Variants in FMN1 observed in about 807,000 individuals in gnomAD.
FMN1 encodes the protein formin-1.
FMN1 carries 110 observed loss-of-function variants against 132.4 expected under a neutral mutation model. The ratio of observed to expected loss-of-function variants is 0.83; its 90% CI spans 0.71 to 0.97. The LOEUF (loss-of-function observed/expected upper bound fraction) is 0.97. Among genes scored for constraint, FMN1 ranks in the 50% least tolerant of loss-of-function variants. The probability of loss-of-function intolerance (pLI) is 0.00; values close to 1 mark genes in which losing one functional copy is unlikely to be tolerated. For missense variants in FMN1, 1,792 were observed against 1,705.3 expected, an observed-to-expected ratio of 1.05 and a Z score of -0.90; for synonymous variants, 722 against 651.7, an observed-to-expected ratio of 1.11 and a Z score of -1.64.
At chr15:32,876,217 TTC>T (rs1478556034) in intron 16 of FMN1, among the ~76,000 whole-genome samples, 2 of 152,248 alleles carry the variant, frequency 1.3e-5, no homozygotes, top group African/African-American at 2.4e-5. Context: ...ATTCCTGTTG[TTC>T]TTTTTATTGA....
At chr15:32,776,686 A>T (rs1228649062) in intron 20 of FMN1, 149 bp downstream of exon 20, 1 of 545,044 alleles carries the variant, frequency 1.8e-6, no homozygotes, top group Non-Finnish European at 3.2e-6. Context: ...ACCCACACAT[A>T]CTTTTTTTTT....
At chr15:32,957,299 T>TTTTG (rs2029898107) in intron 9 of FMN1, among the ~76,000 whole-genome samples, 1 of 23,654 alleles carries the variant, frequency 4.2e-5, no homozygotes, top group South Asian at 1.6e-3. Context: ...AGAGCAGTTC[T>TTTTG]TTTTTTTTTT....
At chr15:33,070,413 A>C (rs1211634717) in intron 5 of FMN1, among the ~76,000 whole-genome samples, 1 of 149,156 alleles carries the variant, frequency 6.7e-6, no homozygotes, top group East Asian at 2.0e-4. Flanking sequence ...TTATGAACTG[A>C]AAAGACTCAA....
chr15:33,100,110 T>G (rs2039237850), intron 4 of FMN1, among the ~76,000 whole-genome samples: 1 of 152,150 alleles, frequency 6.6e-6, no homozygotes, highest in African/African-American at 2.4e-5. Flanking sequence ...CTTGGCCATT[T>G]TAGTTTCTTA....
chr15:33,129,219 T>C (rs1963429804), intron 4 of FMN1, among the ~76,000 whole-genome samples: 2 of 152,204 alleles, frequency 1.3e-5, no homozygotes, highest in Non-Finnish European at 2.9e-5. Context: ...TACCAGAATT[T>C]GGGGACAGGA....
intron 6 of FMN1, among the ~76,000 whole-genome samples, chr15:33,019,690 A>G (rs1183143866): frequency 6.6e-6 from 1 of 151,992 alleles, no homozygotes; most frequent in Non-Finnish European, 1.5e-5. Context: ...CTGCTGGGAG[A>G]CCCGGCGCAC....
intron 4 of FMN1, chr15:33,150,560 C>T (rs1964401689): frequency 4.1e-6 from 4 of 985,438 alleles, no homozygotes; most frequent in Non-Finnish European, 4.8e-6. Context: ...CATCCTTATG[C>T]TACATCCTGC....
chr15:32,811,535 AT>A (rs2057877480), intron 17 of FMN1, among the ~76,000 whole-genome samples: 1 of 147,762 alleles, frequency 6.8e-6, no homozygotes, highest in Admixed American at 6.6e-5. Context: ...GAGTCATAAA[AT>A]AAAAAAAAAA....
In FMN1 at chr15:33,153,974, T is replaced by C. The variant is rs1361428647; in HGVS notation, c.941A>G (p.Glu314Gly). The C allele has an allele frequency of 5.2e-6, 8 of 1,536,622 alleles. No homozygotes were observed. The highest frequency in any genetic ancestry group is 2.0e-5 in the Admixed American group (1 of 50,992). Residue 314 changes from glutamate (E) to glycine (G), a missense_variant, in exon 4 of 21, where the codon GAG becomes GGG. Coordinates refer to ENST00000616417, the MANE Select transcript of FMN1 (RefSeq NM_001277313.2). Reference protein sequence around the residue: ...KHPEAEKDEMEKPAKRTCKQK... With the variant: ...KHPEAEKDEMGKPAKRTCKQK... Reference sequence around the variant, plus strand: ...CTTGCAAGTCCGCTTAGCCGGCTTCTCCATCTCATCCTTTTCTGCCTCTGG... The same window carrying C: ...CTTGCAAGTCCGCTTAGCCGGCTTCCCCATCTCATCCTTTTCTGCCTCTGG...
chr15:32,936,448 C>A (rs1596308466), intron 9 of FMN1, among the ~76,000 whole-genome samples: 1 of 152,108 alleles, frequency 6.6e-6, no homozygotes, highest in South Asian at 2.1e-4. Context: ...ATGTGAATTC[C>A]CAATTAGAGG....
At chr15:32,797,222 T>C (rs1161131098) in intron 19 of FMN1, among the ~76,000 whole-genome samples, 1 of 152,246 alleles carries the variant, frequency 6.6e-6, no homozygotes, top group East Asian at 1.9e-4. Flanking sequence ...CATTAACATA[T>C]AAAGCAATTA....
At position 33,125,360 on chromosome 15, in the gene FMN1, A is replaced by C. The variant is rs146937801; in HGVS notation, c.1867+27688T>G. Among the ~76,000 whole-genome samples, 585 of 152,336 alleles carry C rather than the reference A, an allele frequency of 3.8e-3. 4 individuals carry two copies. The highest frequency in any genetic ancestry group is 0.013 in the African/African-American group (532 of 41,566). ...CATTTAGGAAAATAGTTTCCTTTTAAAATTCAGTCTTGAAGGTTAGTTCTA... is the reference window on the plus strand; with the variant it reads ...CATTTAGGAAAATAGTTTCCTTTTACAATTCAGTCTTGAAGGTTAGTTCTA... On this transcript the variant is annotated intron_variant, in intron 4 of 20. Coordinates refer to ENST00000616417, the MANE Select transcript of FMN1 (RefSeq NM_001277313.2).
chr15:32,900,324 C>T (rs900714936), intron 13 of FMN1, 199 bp from the exon 14 acceptor site: 78 of 702,974 alleles, frequency 1.1e-4, no homozygotes, highest in Non-Finnish European at 1.8e-4. Flanking sequence ...TATTTTCTAC[C>T]CACTCAAATT....
intron 7 of FMN1, among the ~76,000 whole-genome samples, chr15:32,998,179 C>T (rs1268627831): frequency 1.3e-5 from 2 of 152,180 alleles, no homozygotes; most frequent in African/African-American, 4.8e-5. Flanking sequence ...CGTCTCTGGG[C>T]TGTATTTGAT....
intron 7 of FMN1, among the ~76,000 whole-genome samples, chr15:32,990,257 CG>C (rs2033350132): frequency 6.6e-6 from 1 of 152,010 alleles, no homozygotes; most frequent in African/African-American, 2.4e-5. Context: ...CACAATTTGG[CG>C]TGCTGCAGAG....
intron 7 of FMN1, among the ~76,000 whole-genome samples, chr15:32,990,297 A>G (rs1170861611): frequency 2.0e-5 from 3 of 152,164 alleles, no homozygotes; most frequent in East Asian, 1.9e-4. Context: ...CAAAGAAGAT[A>G]GAGAAGCACA....
chr15:33,164,810 T>G (rs1006748108), intron 3 of FMN1, among the ~76,000 whole-genome samples: 4 of 152,192 alleles, frequency 2.6e-5, no homozygotes, highest in Admixed American at 2.6e-4. Context: ...TATGGGTACA[T>G]AGTAGGTATA....
At chr15:32,787,769 C>T (rs551307105) in intron 19 of FMN1, among the ~76,000 whole-genome samples, 1 of 152,282 alleles carries the variant, frequency 6.6e-6, no homozygotes, top group Admixed American at 6.5e-5. Flanking sequence ...AGGAGGATCA[C>T]TTGATCCCAG....
intron 16 of FMN1, among the ~76,000 whole-genome samples, chr15:32,881,577 A>G (rs1205037156): frequency 6.6e-6 from 1 of 152,174 alleles, no homozygotes; most frequent in African/African-American, 2.4e-5. Flanking sequence ...TTTCCCCCTT[A>G]CTAGAACCAT....
Sources: allele counts gnomAD v4.1 joint callset (sites outside exome capture counted in the v4.1 genomes callset), GRCh38; gene constraint gnomAD v4.1.1; transcripts MANE v1.5; gene names NCBI Gene and HGNC (gene_info 2026-07-23, HGNC 2026-07-21).